Variants in MPHOSPH8 observed in about 807,000 individuals in gnomAD.
The protein encoded by MPHOSPH8 is M-phase phosphoprotein, mpp.
Under a neutral mutation model 87.3 loss-of-function variants are expected in MPHOSPH8, and 45 were observed. The ratio of observed to expected loss-of-function variants is 0.52; its 90% CI spans 0.41 to 0.66. MPHOSPH8 has a LOEUF of 0.66. Ranked by LOEUF, MPHOSPH8 falls within the 30% of genes least tolerant of loss-of-function variation. The probability of loss-of-function intolerance (pLI) is 0.00; values close to 1 mark genes in which losing one functional copy is unlikely to be tolerated. For synonymous variants in MPHOSPH8, 366 were observed against 376.9 expected, an observed-to-expected ratio of 0.97 and a Z score of 0.33; for missense variants, 883 against 1,020.2, an observed-to-expected ratio of 0.87 and a Z score of 1.83.
chr13:19,636,826 T>C (rs988867647), intron 1 of MPHOSPH8, among the ~76,000 whole-genome samples: 2 of 152,286 alleles, frequency 1.3e-5, no homozygotes, highest in Middle Eastern at 3.4e-3. Flanking sequence ...CTAGTGTATA[T>C]GATCTGGTAG....
intron 8 of MPHOSPH8, among the ~76,000 whole-genome samples, chr13:19,662,721 A>G (rs945085824): frequency 1.3e-5 from 2 of 152,234 alleles, no homozygotes; most frequent in African/African-American, 4.8e-5. Flanking sequence ...TTTTGAATAA[A>G]TGGTATTTGT....
chr13:19,662,751 T>G lies in MPHOSPH8; in HGVS notation c.1933-289T>G, dbSNP rs193302387. 1.8e-3 allele frequency among the ~76,000 whole-genome samples: 275 copies of G among 152,356 alleles called. 1 individual carries two copies. The highest frequency in any genetic ancestry group is 4.7e-3 in the African/African-American group (195 of 41,596). ...ATTTGTATTCCTTTTGGTTAATAATTTAATTGAAATGTTTCCATATATTAT... is the reference window on the plus strand; with the variant it reads ...ATTTGTATTCCTTTTGGTTAATAATGTAATTGAAATGTTTCCATATATTAT... On this transcript the variant is annotated intron_variant, in intron 8 of 13. Coordinates refer to ENST00000361479, the MANE Select transcript of MPHOSPH8 (RefSeq NM_017520.4).
chr13:19,670,298 C>T lies in MPHOSPH8; in HGVS notation c.2392C>T (p.Leu798Phe). The change falls in exon 12 of 14, where the codon CTC becomes TTC. Residue 798 changes from leucine (L) to phenylalanine (F), a missense_variant. Coordinates refer to ENST00000361479, the MANE Select transcript of MPHOSPH8 (RefSeq NM_017520.4). Reference sequence around the variant, plus strand: ...TTTGGGTAAAGAAGTTATTGCTCGGCTCTGTGGACCGTGTAGTGTACAAGC... The same window carrying T: ...TTTGGGTAAAGAAGTTATTGCTCGGTTCTGTGGACCGTGTAGTGTACAAGC... ...NFLGKEVIAR[L>F]CGPCSVQAVV... The T allele has an allele frequency of 6.2e-7, 1 of 1,614,076 alleles. No individual in the cohort carries two copies. The highest frequency in any genetic ancestry group is 8.5e-7 in the Non-Finnish European group (1 of 1,179,906).
chr13:19,664,055 C>T (rs537634731), intron 9 of MPHOSPH8, among the ~76,000 whole-genome samples: 2 of 152,264 alleles, frequency 1.3e-5, no homozygotes, highest in East Asian at 3.9e-4. Flanking sequence ...ACCATCATGA[C>T]TCACTGATGC....
intron 5 of MPHOSPH8, among the ~76,000 whole-genome samples, chr13:19,651,786 A>G (rs976912487): frequency 2.0e-5 from 3 of 152,078 alleles, no homozygotes; most frequent in African/African-American, 7.2e-5. Context: ...TCCAAAAAAG[A>G]CTGAATAGTC....
chr13:19,667,613 G>A (rs1195916091), intron 10 of MPHOSPH8, among the ~76,000 whole-genome samples: 1 of 151,700 alleles, frequency 6.6e-6, no homozygotes, highest in Non-Finnish European at 1.5e-5. Flanking sequence ...ACATTATTTG[G>A]TCTTTGCAGG....
chr13:19,663,817 G>A (rs547361095), intron 9 of MPHOSPH8, among the ~76,000 whole-genome samples: 1 of 152,222 alleles, frequency 6.6e-6, no homozygotes, highest in East Asian at 1.9e-4. Context: ...GGGATGCTTG[G>A]CTCCATGTAA....
chr13:19,636,310 C>A (rs935819540), intron 1 of MPHOSPH8, among the ~76,000 whole-genome samples: 1 of 152,142 alleles, frequency 6.6e-6, no homozygotes, highest in East Asian at 1.9e-4. Context: ...GAAACACTTA[C>A]AATTGATTCA....
chr13:19,659,857 TC>T lies in MPHOSPH8; in HGVS notation c.1791+570del, dbSNP rs772564443. On this transcript the variant is annotated intron_variant, in intron 7 of 13. Coordinates refer to ENST00000361479, the MANE Select transcript of MPHOSPH8 (RefSeq NM_017520.4). ...TTGAGAGCGTAGAGTGAGACCATTT[TC>T]CTGTGGTCATTTGTGTTTCTTTGAT... is the stretch of plus-strand genomic sequence containing the variant. Among the ~76,000 whole-genome samples the T allele has an allele frequency of 8.5e-5, 13 of 152,188 alleles. No homozygotes were observed. The East Asian group carries it at 2.5e-3, about 29-fold the overall frequency.
chr13:19,641,938 A>G (rs747093744), intron 1 of MPHOSPH8, among the ~76,000 whole-genome samples, 177 bp from the exon 2 acceptor site: 1 of 151,468 alleles, frequency 6.6e-6, no homozygotes, highest in Non-Finnish European at 1.5e-5. Context: ...CCTGGTCAAT[A>G]CTTTTTTTCT....
At chr13:19,640,827 GTTGTAT>G (rs1376277913) in intron 1 of MPHOSPH8, among the ~76,000 whole-genome samples, 2 of 152,040 alleles carry the variant, frequency 1.3e-5, no homozygotes, top group African/African-American at 2.4e-5. Context: ...ACTATTTTTT[GTTGTAT>G]TTGTATGATG....
intron 5 of MPHOSPH8, among the ~76,000 whole-genome samples, chr13:19,658,018 A>T (rs1425193941): frequency 6.6e-6 from 1 of 152,198 alleles, no homozygotes; most frequent in Non-Finnish European, 1.5e-5. Flanking sequence ...TCATGTAAAT[A>T]AGTTAACATG....
intron 3 of MPHOSPH8, 106 bp from the exon 4 acceptor site, chr13:19,648,316 C>T (rs1343456884): frequency 6.2e-6 from 4 of 646,332 alleles, no homozygotes; most frequent in Non-Finnish European, 1.1e-5. Context: ...CCACAGTATA[C>T]AAGGGTGATT....
In MPHOSPH8 at chr13:19,661,860, A is replaced by G; in HGVS notation, c.1932+22A>G. On this transcript the variant is annotated intron_variant, in intron 8 of 13. Coordinates refer to ENST00000361479, the MANE Select transcript of MPHOSPH8 (RefSeq NM_017520.4). ...GAAGGTTTGTGGCTTCTTATGCATCAGTTTCAGAGCTTTCATGGTATTCCT... is the reference window on the plus strand; with the variant it reads ...GAAGGTTTGTGGCTTCTTATGCATCGGTTTCAGAGCTTTCATGGTATTCCT... 3 of 1,585,482 alleles carry G rather than the reference A, an allele frequency of 1.9e-6. No individual in the cohort carries two copies. The South Asian group carries it at 3.4e-5, about 18-fold the overall frequency.
chr13:19,642,263 A>G lies in MPHOSPH8; in HGVS notation c.362A>G (p.Asp121Gly). 1 of 1,589,932 alleles carries G rather than the reference A, an allele frequency of 6.3e-7. No individual in the cohort carries two copies. Among genetic ancestry groups the G allele is most frequent in the Non-Finnish European group, 8.5e-7 (1 of 1,172,906 alleles). The change falls in exon 2 of 14, where the codon GAT (aspartate) becomes GGT (glycine). Residue 121 changes from aspartate to glycine, a missense_variant. By Grantham distance (94) the Asp-to-Gly change is moderately conservative. Coordinates refer to ENST00000361479, the MANE Select transcript of MPHOSPH8 (RefSeq NM_017520.4). ...AACAAAGCCAAAGCAGTCAGGAAGG[A>G]TATTCAGGTACTATGTTTTGTCTCA... ...AENKAKAVRK[D>G]IQRLSLNNDI...
chr13:19,637,856 C>A (rs1874085916), intron 1 of MPHOSPH8, among the ~76,000 whole-genome samples: 1 of 151,914 alleles, frequency 6.6e-6, no homozygotes, highest in African/African-American at 2.4e-5. Context: ...AATCCCAGCA[C>A]TTTGAGAGGC....
At chr13:19,662,921 C>A in intron 8 of MPHOSPH8, 119 bp from the exon 9 acceptor site, 4 of 859,428 alleles carry the variant, frequency 4.7e-6, no homozygotes, top group Non-Finnish European at 5.5e-6. Context: ...CTGCAGCCCG[C>A]AACCACTTGT....
chr13:19,666,182 T>C (rs539944465), intron 9 of MPHOSPH8, among the ~76,000 whole-genome samples: 1 of 152,340 alleles, frequency 6.6e-6, no homozygotes, highest in East Asian at 1.9e-4. Context: ...TGCTAAGATA[T>C]TAACTGAATG....
At position 19,635,613 on chromosome 13, in the gene MPHOSPH8, C is replaced by G. The variant is rs146951122; in HGVS notation, c.213+1652C>G. ...TTCATACAGTGTTTAATTTTGCCAG[C>G]CTCAAAGAATTGTAAGCACTGTATA... On this transcript the variant is annotated intron_variant, in intron 1 of 13. Transcript: ENST00000361479. Among the ~76,000 whole-genome samples, 320 of 152,286 alleles carry G rather than the reference C, an allele frequency of 2.1e-3. 2 individuals are homozygous for G. The highest frequency in any genetic ancestry group is 6.4e-3 in the Admixed American group (98 of 15,296).
Sources: gnomAD v4.1 joint callset for allele counts (sites outside exome capture counted in the v4.1 genomes callset) on GRCh38, gnomAD v4.1.1 for gene constraint, MANE v1.5 for transcripts, NCBI Gene and HGNC (gene_info 2026-07-23, HGNC 2026-07-21) for gene names.